Variants in CIMAP1D observed in about 807,000 individuals in gnomAD.
CIMAP1D encodes CIMAP1 family member D, also known as protein CIMAP1D.
At chr19:470,907 T>C in the CIMAP1D span, among the ~76,000 whole-genome samples, 1 of 152,092 alleles carries the variant, frequency 6.6e-6, no homozygotes, top group Non-Finnish European at 1.5e-5. Flanking sequence ...GCAGGCACCA[T>C]GGGGCAAGGC....
the CIMAP1D span, among the ~76,000 whole-genome samples, chr19:483,250 T>TCCCC: frequency 6.6e-5 from 5 of 75,400 alleles, no homozygotes; most frequent in Admixed American, 4.8e-4. Context: ...CAGGGCCCCA[T>TCCCC]CCCCCCCCAA....
At chr19:465,070 G>GAT in the CIMAP1D span, among the ~76,000 whole-genome samples, 28 of 150,572 alleles carry the variant, frequency 1.9e-4, no homozygotes, top group East Asian at 3.3e-3. Flanking sequence ...TGGATGGATG[G>GAT]GTGGGTGGAA....
the CIMAP1D span, among the ~76,000 whole-genome samples, chr19:480,999 A>AAACGACGGAG: frequency 7.5e-6 from 1 of 133,676 alleles, no homozygotes; most frequent in East Asian, 2.5e-4. Flanking sequence ...CGATGATGGA[A>AAACGACGGAG]AACGATGACG....
At chr19:488,523 A>G in the CIMAP1D span, among the ~76,000 whole-genome samples, 1 of 152,234 alleles carries the variant, frequency 6.6e-6, no homozygotes, top group Non-Finnish European at 1.5e-5. Flanking sequence ...CTCCGTCTCA[A>G]AAAAATAACA....
chr19:482,276 C>A, the CIMAP1D span, among the ~76,000 whole-genome samples: 1 of 152,194 alleles, frequency 6.6e-6, no homozygotes, highest in African/African-American at 2.4e-5. Flanking sequence ...TGTGGAGCGT[C>A]CACAGTTCCA....
At chr19:478,362 C>CTGGA in the CIMAP1D span, among the ~76,000 whole-genome samples, 9 of 152,244 alleles carry the variant, frequency 5.9e-5, no homozygotes, top group African/African-American at 2.2e-4. Context: ...TGGTTCCAGC[C>CTGGA]CGGACTCGGC....
the CIMAP1D span, chr19:472,448 C>A: frequency 1.3e-6 from 2 of 1,547,910 alleles, no homozygotes; most frequent in East Asian, 2.5e-5. Context: ...CTGGTGCAGT[C>A]GTGGTTGATG....
At chr19:485,635 G>A in the CIMAP1D span, among the ~76,000 whole-genome samples, 12 of 152,304 alleles carry the variant, frequency 7.9e-5, no homozygotes, top group South Asian at 4.1e-4. Context: ...CTAAAGCACC[G>A]GGAGGGCAGG....
At chr19:477,865 C>T in the CIMAP1D span, among the ~76,000 whole-genome samples, 29 of 152,286 alleles carry the variant, frequency 1.9e-4, no homozygotes, top group Admixed American at 8.5e-4. Context: ...TCCCCCTGTC[C>T]TCTCGTCCTG....
the CIMAP1D span, among the ~76,000 whole-genome samples, chr19:470,500 C>T: frequency 4.3e-3 from 648 of 152,268 alleles, 4 homozygotes; most frequent in African/African-American, 0.015. Flanking sequence ...CGTGAGCCAC[C>T]GCGCCCGGCC....
At chr19:483,685 T>C in the CIMAP1D span, among the ~76,000 whole-genome samples, 23,109 of 152,044 alleles carry the variant, frequency 0.15, 3,809 homozygotes, top group African/African-American at 0.4. Context: ...ACCTGGGATG[T>C]CCACAGGGCC....
At chr19:484,722 C>T in the CIMAP1D span, among the ~76,000 whole-genome samples, 1 of 152,240 alleles carries the variant, frequency 6.6e-6, no homozygotes, top group Non-Finnish European at 1.5e-5. Context: ...GAGGAGGAGG[C>T]CAGGGTGGCT....
At chr19:490,569 G>A in the CIMAP1D span, among the ~76,000 whole-genome samples, 2 of 152,204 alleles carry the variant, frequency 1.3e-5, no homozygotes, top group Non-Finnish European at 2.9e-5. Context: ...CTGCACTTCA[G>A]GCCACTAAAG....
the CIMAP1D span, among the ~76,000 whole-genome samples, chr19:469,939 C>T: frequency 1.3e-5 from 2 of 150,854 alleles, no homozygotes; most frequent in East Asian, 4.0e-4. Context: ...CACACCCCAG[C>T]TCATCATGAC....
chr19:485,273 C>T, the CIMAP1D span, among the ~76,000 whole-genome samples: 3 of 152,200 alleles, frequency 2.0e-5, no homozygotes, highest in Non-Finnish European at 2.9e-5. Flanking sequence ...CAGGCAGGCG[C>T]GCACACACAC....
At chr19:468,039 G>C in the CIMAP1D span, among the ~76,000 whole-genome samples, 1 of 152,140 alleles carries the variant, frequency 6.6e-6, no homozygotes, top group African/African-American at 2.4e-5. Flanking sequence ...CGCAGGTGTG[G>C]GCTGGAGAAC....
the CIMAP1D span, among the ~76,000 whole-genome samples, chr19:478,964 G>C: frequency 0.86 from 130,541 of 152,288 alleles, 56,265 homozygotes; most frequent in African/African-American, 0.96. Context: ...CCTTTCCCTT[G>C]GAGACAGGCA....
the CIMAP1D span, chr19:463,755 C>G: frequency 6.6e-7 from 1 of 1,507,336 alleles, no homozygotes; most frequent in Admixed American, 2.3e-5. Context: ...CTTTCCCAGC[C>G]CCTCTCGCCT....
chr19:482,387 A>G, the CIMAP1D span, among the ~76,000 whole-genome samples: 55 of 152,256 alleles, frequency 3.6e-4, no homozygotes, highest in Non-Finnish European at 7.1e-4. Flanking sequence ...GTGCTCAGCC[A>G]TGGGTGTTGC....
Sources: gnomAD v4.1 joint callset for allele counts (sites outside exome capture counted in the v4.1 genomes callset) on GRCh38, gnomAD v4.1.1 for gene constraint, MANE v1.5 for transcripts, NCBI Gene and HGNC (gene_info 2026-07-23, HGNC 2026-07-21) for gene names.